Variants in EPAS1 observed in about 807,000 individuals in gnomAD.
The protein encoded by EPAS1 is endothelial PAS domain-containing protein 1.
In EPAS1, 23 loss-of-function variants were observed where a neutral mutation model predicts 87.9. The ratio of observed to expected loss-of-function variants is 0.26; its 90% CI spans 0.19 to 0.37. EPAS1 has a LOEUF of 0.37. EPAS1 is among the 10% of genes least tolerant of loss of function. The pLI, the probability that EPAS1 is intolerant of heterozygous loss-of-function variation, is 1.00. For missense variants in EPAS1, 1,138 were observed against 1,120.7 expected (o/e 1.02, Z -0.22); for synonymous variants, 508 against 444.3 (o/e 1.14, Z -1.80).
rs886056088 is a variant in EPAS1, at chr2:46,381,657, T to G, written c.2107T>G (p.Ser703Ala). Residue 703 changes from serine (S) to alanine (A), a missense_variant, in exon 13 of 16, where the codon TCC becomes GCC. By Grantham distance (99) the Ser-to-Ala change is moderately conservative. Coordinates refer to ENST00000263734, the MANE Select transcript of EPAS1 (RefSeq NM_001430.5). Reference protein sequence around the residue: ...DVLSPAMVALSNKLKLKRQLE... With the variant: ...DVLSPAMVALANKLKLKRQLE... Reference sequence around the variant, plus strand: ...GCTGAGTCCGGCCATGGTAGCCCTCTCCAACAAGCTGAAGCTGAAGCGACA... The same window carrying G: ...GCTGAGTCCGGCCATGGTAGCCCTCGCCAACAAGCTGAAGCTGAAGCGACA... The G allele has an allele frequency of 1.2e-6, 2 of 1,613,980 alleles. No homozygotes were observed. The highest frequency in any genetic ancestry group is 4.5e-5 in the East Asian group (2 of 44,882).
chr2:46,372,582 C>T (rs1572644521), intron 7 of EPAS1, among the ~76,000 whole-genome samples: 1 of 152,156 alleles, frequency 6.6e-6, no homozygotes, highest in Non-Finnish European at 1.5e-5. Context: ...GGTCAGTCTC[C>T]CTTTGTTATA....
chr2:46,306,120 A>G (rs1344801034), intron 1 of EPAS1, among the ~76,000 whole-genome samples: 25 of 152,200 alleles, frequency 1.6e-4, no homozygotes, highest in East Asian at 5.8e-4. Flanking sequence ...CCATTAAAGT[A>G]TATGATTATT....
chr2:46,383,502 A>C (rs1249851286), intron 15 of EPAS1, among the ~76,000 whole-genome samples: 1 of 152,154 alleles, frequency 6.6e-6, no homozygotes, highest in Non-Finnish European at 1.5e-5. Flanking sequence ...GAGTTTGGGG[A>C]AGGTTATAGT....
At chr2:46,299,328 T>A (rs1682949144) in intron 1 of EPAS1, among the ~76,000 whole-genome samples, 1 of 152,182 alleles carries the variant, frequency 6.6e-6, no homozygotes, top group Admixed American at 6.5e-5. Flanking sequence ...TGCTCCCCTT[T>A]CCTGGCCGTA....
Position 46,360,157 on chromosome 2 carries a change from T to G in EPAS1, c.455-481T>G, listed in dbSNP as rs1684358724. On this transcript the variant is annotated intron_variant, in intron 4 of 15. Transcript: ENST00000263734. This position sits in a 1 kb window ranked among gnomAD's most constrained non-coding sequence, Gnocchi z 4.5. Reference sequence around the variant, plus strand: ...GGTACAGGAGGGGTTAAATTCCTCCTGAGAGACAGGTTATAAAGGAAAGAC... The same window carrying G: ...GGTACAGGAGGGGTTAAATTCCTCCGGAGAGACAGGTTATAAAGGAAAGAC... 6.6e-6 allele frequency among the ~76,000 whole-genome samples: 1 copy of G among 152,188 alleles called. No individual in the cohort carries two copies. The highest frequency in any genetic ancestry group is 6.5e-5 in the Admixed American group (1 of 15,282).
chr2:46,311,780 G>A (rs1683215710), intron 1 of EPAS1, among the ~76,000 whole-genome samples: 1 of 152,148 alleles, frequency 6.6e-6, no homozygotes, highest in South Asian at 2.1e-4. Context: ...CTAGTGAGAT[G>A]TTGAGACATG....
intron 14 of EPAS1, 43 bp downstream of exon 14, chr2:46,382,132 G>A (rs368248400): frequency 3.9e-5 from 61 of 1,575,480 alleles, no homozygotes; most frequent in Non-Finnish European, 5.3e-5. Flanking sequence ...GGGTTCTGGT[G>A]GAAGGACTGG....
chr2:46,367,897 G>T (rs75824632), intron 6 of EPAS1, among the ~76,000 whole-genome samples: 1 of 151,680 alleles, frequency 6.6e-6, no homozygotes, highest in Non-Finnish European at 1.5e-5. Flanking sequence ...GACAGGTTCT[G>T]TGTGTGTGTG....
At chr2:46,334,305 C>T (rs1478720305) in intron 1 of EPAS1, among the ~76,000 whole-genome samples, 3 of 152,204 alleles carry the variant, frequency 2.0e-5, no homozygotes, top group African/African-American at 7.2e-5. Flanking sequence ...AAAGCCCTTT[C>T]GTGTGCTTGG....
At chr2:46,312,662 C>A (rs1045435579) in intron 1 of EPAS1, among the ~76,000 whole-genome samples, 1 of 151,772 alleles carries the variant, frequency 6.6e-6, no homozygotes, top group Non-Finnish European at 1.5e-5. Context: ...TGCTCTCAGG[C>A]CTTTAAATTT....
At chr2:46,384,414 G>C in intron 15 of EPAS1, 95 bp from the exon 16 acceptor site, 1 of 1,544,848 alleles carries the variant, frequency 6.5e-7, no homozygotes, top group South Asian at 1.1e-5. Flanking sequence ...TGAAATTAGG[G>C]CTGCTCTATT....
chr2:46,318,841 A>G (rs1683397456), intron 1 of EPAS1, among the ~76,000 whole-genome samples: 1 of 152,336 alleles, frequency 6.6e-6, no homozygotes, highest in South Asian at 2.1e-4. Flanking sequence ...GTTACATGCT[A>G]TTGTGAAATG....
At chr2:46,356,403 C>G in intron 3 of EPAS1, 101 bp downstream of exon 3, 1 of 1,466,112 alleles carries the variant, frequency 6.8e-7, no homozygotes, top group South Asian at 1.2e-5. Flanking sequence ...CCTCTCCCTG[C>G]AAATGCCCAC....
chr2:46,332,291 CGTGTGTGTGTGTGTGTGT>C (rs57893491), intron 1 of EPAS1, among the ~76,000 whole-genome samples: 86 of 110,818 alleles, frequency 7.8e-4, no homozygotes, highest in Middle Eastern at 4.9e-3. Context: ...AAAAAAAATA[CGTGTGTGTGTGTGTGTGT>C]GTGTGTGTGT....
chr2:46,313,021 C>T (rs1572615263), intron 1 of EPAS1, among the ~76,000 whole-genome samples: 1 of 152,310 alleles, frequency 6.6e-6, no homozygotes. Context: ...ATGAGCAAGA[C>T]CTAATTGTGG....
intron 2 of EPAS1, among the ~76,000 whole-genome samples, chr2:46,352,589 C>T (rs1300965840): frequency 6.6e-6 from 1 of 152,170 alleles, no homozygotes; most frequent in Non-Finnish European, 1.5e-5. Context: ...CATGAGCCTC[C>T]ACGGTGAGGG....
In EPAS1 at chr2:46,381,984, C is replaced by T. The variant is rs1015884255; in HGVS notation, c.2182C>T (p.Pro728Ser). ...CCCTTCTTACTCCCAGGGGGACCCA[C>T]CTGGTGGCAGCACCTCACATTTGAT... ...AFQDLSGGDP[P>S]GGSTSHLMWK... The change falls in exon 14 of 16, where the codon CCT (proline) becomes TCT (serine). Residue 728 changes from proline to serine, a missense_variant. Transcript: ENST00000263734. 6.2e-7 allele frequency: 1 copy of T among 1,614,064 alleles called. No individual in the cohort carries two copies. The highest frequency in any genetic ancestry group is 8.5e-7 in the Non-Finnish European group (1 of 1,179,994).
intron 6 of EPAS1, among the ~76,000 whole-genome samples, chr2:46,363,610 C>T (rs1684447192): frequency 6.6e-6 from 1 of 152,080 alleles, no homozygotes. Context: ...AGGAAATGTA[C>T]ATAGAAAGGG....
chr2:46,309,070 C>G (rs1683164276), intron 1 of EPAS1, among the ~76,000 whole-genome samples: 1 of 152,198 alleles, frequency 6.6e-6, no homozygotes, highest in Non-Finnish European at 1.5e-5. Flanking sequence ...GAATAGAGGT[C>G]TCTTGAGGTG....
Sources: gnomAD v4.1 joint callset for allele counts (sites outside exome capture counted in the v4.1 genomes callset) on GRCh38, gnomAD v4.1.1 for gene constraint, Gnocchi (gnomAD v3.1) non-coding constraint, MANE v1.5 for transcripts, NCBI Gene and HGNC (gene_info 2026-07-23, HGNC 2026-07-21) for gene names.